The following L3MBTL3 variants were observed in gnomAD, a reference collection of about 807,000 sequenced individuals.
The protein encoded by L3MBTL3 is L3MBTL histone methyl-lysine binding protein 3, also known as lethal(3)malignant brain tumor-like protein 3.
Under a neutral mutation model 102.3 loss-of-function variants are expected in L3MBTL3, and 27 were observed. The ratio of observed to expected loss-of-function variants is 0.26; its 90% CI spans 0.19 to 0.36. L3MBTL3 has a LOEUF of 0.36. Ranked by LOEUF, L3MBTL3 falls within the 10% of genes least tolerant of loss-of-function variation. The pLI is 1.00. For missense variants in L3MBTL3, 798 were observed against 955.3 expected (o/e 0.84, Z 2.17); for synonymous variants, 340 against 320.9 (o/e 1.06, Z -0.64).
intron 1 of L3MBTL3, among the ~76,000 whole-genome samples, chr6:130,019,897 G>C (rs942114590): frequency 2.8e-5 from 4 of 141,036 alleles, no homozygotes; most frequent in Non-Finnish European, 6.3e-5. Context: ...CCGGGAGCCC[G>C]CGCCGTCGCG....
chr6:130,097,769 T>C (rs1356520256), intron 18 of L3MBTL3, among the ~76,000 whole-genome samples: 1 of 151,942 alleles, frequency 6.6e-6, no homozygotes. Context: ...AATAAAGTTA[T>C]ATAAAAGTAG....
intron 18 of L3MBTL3, among the ~76,000 whole-genome samples, chr6:130,102,095 CA>C (rs1562312518): frequency 4.7e-5 from 7 of 149,700 alleles, no homozygotes; most frequent in Non-Finnish European, 8.9e-5. Flanking sequence ...CATTCTATCT[CA>C]GGGGGAAAAA....
At chr6:130,059,034 T>C (rs569638758) in intron 9 of L3MBTL3, among the ~76,000 whole-genome samples, 1 of 151,510 alleles carries the variant, frequency 6.6e-6, no homozygotes, top group South Asian at 2.1e-4. Context: ...TCTGTAATTA[T>C]TTTCTGTAGC....
At position 130,140,260 on chromosome 6, in the gene L3MBTL3, A is replaced by G. The variant is rs1157514104; in HGVS notation, c.*507A>G. ...ATTTTGTGCCATATTTTGAATTGCAACATTATGCTAAGTATAACTTTGCAA... is the reference window on the plus strand; with the variant it reads ...ATTTTGTGCCATATTTTGAATTGCAGCATTATGCTAAGTATAACTTTGCAA... On this transcript the variant is annotated 3_prime_UTR_variant, in exon 23 of 23. Transcript: ENST00000361794. 1 of 153,584 alleles carries G rather than the reference A, an allele frequency of 6.5e-6. No homozygotes were observed. Among genetic ancestry groups the G allele is most frequent in the Non-Finnish European group, 1.5e-5 (1 of 68,772 alleles). 9.5% of individuals were successfully genotyped at this position (153,584 alleles called of 1,614,324 possible). A position where few individuals can be genotyped will look rare whatever the true frequency, so the allele number is the denominator to read the frequency against.
At chr6:130,086,465 AT>A (rs1419940326) in intron 16 of L3MBTL3, among the ~76,000 whole-genome samples, 1 of 152,202 alleles carries the variant, frequency 6.6e-6, no homozygotes, top group African/African-American at 2.4e-5. Flanking sequence ...ATGACTTAAT[AT>A]TTTGAGTATG....
chr6:130,095,504 A>G (rs1784312645), intron 18 of L3MBTL3, among the ~76,000 whole-genome samples: 1 of 152,100 alleles, frequency 6.6e-6, no homozygotes, highest in African/African-American at 2.4e-5. Context: ...AATTTATATG[A>G]TACATCTTGG....
intron 2 of L3MBTL3, among the ~76,000 whole-genome samples, chr6:130,040,998 G>C (rs1780385295): frequency 1.3e-5 from 2 of 152,150 alleles, no homozygotes; most frequent in African/African-American, 4.8e-5. Context: ...ATCCTCTCTT[G>C]GTTTTGCACT....
At chr6:130,080,146 T>C (rs748160968) in intron 14 of L3MBTL3, among the ~76,000 whole-genome samples, 1 of 151,924 alleles carries the variant, frequency 6.6e-6, no homozygotes, top group African/African-American at 2.4e-5. Context: ...CCCTGCTGTC[T>C]GTGAGACTGA....
At chr6:130,074,518 C>T (rs1190258103) in intron 13 of L3MBTL3, among the ~76,000 whole-genome samples, 2 of 152,192 alleles carry the variant, frequency 1.3e-5, no homozygotes, top group Non-Finnish European at 2.9e-5. Flanking sequence ...GTCAGTACCA[C>T]GGGGAGGGTA....
At chr6:130,075,357 A>T (rs1334076456) in intron 13 of L3MBTL3, among the ~76,000 whole-genome samples, 1 of 152,084 alleles carries the variant, frequency 6.6e-6, no homozygotes, top group South Asian at 2.1e-4. Flanking sequence ...AGGAATGGGT[A>T]CTTAGAGGTT....
chr6:130,139,525 G>A, intron 22 of L3MBTL3, 85 bp from the exon 23 acceptor site: 5 of 1,270,684 alleles, frequency 3.9e-6, no homozygotes, highest in Non-Finnish European at 5.7e-6. Flanking sequence ...CTATGTAGAA[G>A]ACAGCTGGTA....
intron 11 of L3MBTL3, among the ~76,000 whole-genome samples, chr6:130,067,290 T>A (rs1406725583): frequency 6.6e-6 from 1 of 152,122 alleles, no homozygotes; most frequent in Non-Finnish European, 1.5e-5. Context: ...ATTTTTGTGT[T>A]TTTATTAGAG....
chr6:130,049,654 A>T, intron 4 of L3MBTL3, 102 bp from the exon 5 acceptor site: 1 of 1,313,996 alleles, frequency 7.6e-7, no homozygotes, highest in Non-Finnish European at 1.1e-6. Context: ...GTTGTAGCCT[A>T]CACAGGTGAT....
chr6:130,119,804 A>G (rs748216686), intron 19 of L3MBTL3, among the ~76,000 whole-genome samples: 20 of 152,190 alleles, frequency 1.3e-4, no homozygotes, highest in Admixed American at 1.1e-3. Flanking sequence ...AACAATACAT[A>G]ATTTAAAAAT....
At position 130,066,345 on chromosome 6, in the gene L3MBTL3, T is replaced by G; in HGVS notation, c.865-8T>G. The G allele has an allele frequency of 6.5e-7, 1 of 1,535,970 alleles. No homozygotes were observed. On this transcript the variant is annotated splice_region_variant and splice_polypyrimidine_tract_variant and intron_variant, in intron 10 of 22. Transcript: ENST00000361794. ...AAAAAATAATTCAACCTATTTTACC[T>G]GTTTCAGGTTTGTGGATACCGGATA...
Position 130,078,631 on chromosome 6 carries a change from C to T in L3MBTL3, c.1318C>T (p.Pro440Ser). ...KEHRRTLITP[P>S]GYPNVKHFSW... is the part of the protein sequence containing the mutation. The stretch of plus-strand genomic sequence containing the variant: ...ACATAGAAGAACCCTTATTACTCCA[C>T]CAGGTGTGTGTTTTTTTAATGTGGC... Residue 440 changes from proline to serine, a missense_variant, in exon 14 of 23, where the codon CCA (proline) becomes TCA (serine). This residue lies in a region of L3MBTL3 where 306 missense variants were observed against 314.4 expected (regional missense o/e 0.97). Transcript: ENST00000361794. 1.3e-6 allele frequency: 2 copies of T among 1,596,952 alleles called. No individual in the cohort carries two copies. The highest frequency in any genetic ancestry group is 1.7e-6 in the Non-Finnish European group (2 of 1,165,858).
intron 3 of L3MBTL3, 143 bp downstream of exon 3, chr6:130,042,944 A>T: frequency 1.9e-6 from 1 of 535,780 alleles, no homozygotes; most frequent in East Asian, 3.0e-5. Flanking sequence ...CCTCCACAAT[A>T]AATTTGCAAG....
intron 1 of L3MBTL3, among the ~76,000 whole-genome samples, chr6:130,019,846 G>A (rs1428561623): frequency 1.4e-5 from 2 of 139,172 alleles, no homozygotes; most frequent in African/African-American, 5.2e-5. Context: ...CGGGCCCGCG[G>A]CGGCCGTCCG....
intron 20 of L3MBTL3, among the ~76,000 whole-genome samples, chr6:130,126,361 C>T (rs893996972): frequency 6.6e-6 from 1 of 152,048 alleles, no homozygotes; most frequent in Non-Finnish European, 1.5e-5. Context: ...TGGCACTTGC[C>T]CTCCTGGGTC....
Sources: gnomAD v4.1 joint callset for allele counts (sites outside exome capture counted in the v4.1 genomes callset) on GRCh38, gnomAD v4.1.1 for gene constraint, gnomAD v4.1.1 regional missense constraint, MANE v1.5 for transcripts, NCBI Gene and HGNC (gene_info 2026-07-23, HGNC 2026-07-21) for gene names.